AKNA: variants seen among roughly 807,000 people sequenced by gnomAD.
AKNA encodes AT-hook transcription factor.
In AKNA, 67 loss-of-function variants were observed where a neutral mutation model predicts 138.8. The ratio of observed to expected loss-of-function variants is 0.48; its 90% CI spans 0.40 to 0.59. The LOEUF (loss-of-function observed/expected upper bound fraction) is 0.59, where lower values mean the gene tolerates loss of function less well. Among genes scored for constraint, AKNA ranks in the 20% least tolerant of loss-of-function variants. The probability of loss-of-function intolerance (pLI) is 0.00; values close to 1 mark genes in which losing one functional copy is unlikely to be tolerated. For synonymous variants in AKNA, 737 were observed against 754.4 expected (o/e 0.98, Z 0.38); for missense variants, 1,813 against 1,880.4 (o/e 0.96, Z 0.66).
intron 4 of AKNA, among the ~76,000 whole-genome samples, chr9:114,372,748 T>C (rs1226087434): frequency 6.6e-6 from 1 of 152,158 alleles, no homozygotes; most frequent in Non-Finnish European, 1.5e-5. Context: ...GGAATGTGGT[T>C]TCCCCAGAGA....
At chr9:114,359,394 T>A in intron 11 of AKNA, 200 bp downstream of exon 11, 1 of 1,013,056 alleles carries the variant, frequency 9.9e-7, no homozygotes, top group Non-Finnish European at 1.4e-6. Flanking sequence ...TAATACTGCA[T>A]GTGTCCTACT....
chr9:114,390,263 C>T (rs113178084), upstream of AKNA, among the ~76,000 whole-genome samples: 2,138 of 152,170 alleles, frequency 0.014, 49 homozygotes, highest in African/African-American at 0.049. Context: ...ATGCACTGCC[C>T]CCTCTTGGAT....
chr9:114,360,637 A>C (rs1208317591), intron 9 of AKNA, among the ~76,000 whole-genome samples: 1 of 151,982 alleles, frequency 6.6e-6, no homozygotes, highest in Admixed American at 6.6e-5. Context: ...GGCCAGCATG[A>C]CCTCAGCTGT....
chr9:114,332,536 A>C (rs1044604747), downstream of AKNA, among the ~76,000 whole-genome samples: 1 of 152,140 alleles, frequency 6.6e-6, no homozygotes, highest in African/African-American at 2.4e-5. Context: ...CAGTACTTCC[A>C]TGACTATTCA....
chr9:114,365,354 C>T (rs193052595), intron 6 of AKNA, among the ~76,000 whole-genome samples: 183 of 152,272 alleles, frequency 1.2e-3, no homozygotes, highest in African/African-American at 4.2e-3. Flanking sequence ...TCTATAAATG[C>T]AAGTGTGTGC....
upstream of AKNA, among the ~76,000 whole-genome samples, chr9:114,390,894 G>A (rs1834308639): frequency 6.6e-6 from 1 of 152,220 alleles, no homozygotes; most frequent in Non-Finnish European, 1.5e-5. Context: ...CTCCCCATTT[G>A]GAACTATATT....
chr9:114,389,950 C>T (rs1194195613), upstream of AKNA, among the ~76,000 whole-genome samples: 3 of 152,186 alleles, frequency 2.0e-5, no homozygotes, highest in Non-Finnish European at 4.4e-5. Context: ...CCCAGCCCCA[C>T]ATGGAGCAGA....
chr9:114,344,795 C>T (rs966979861), intron 18 of AKNA: 12 of 158,590 alleles, frequency 7.6e-5, no homozygotes, highest in Middle Eastern at 1.0e-3. Flanking sequence ...TTTCCTTTTG[C>T]TAGTAAGTCC....
Position 114,368,423 on chromosome 9 carries a change from C to T in AKNA, c.1573+16G>A, listed in dbSNP as rs372918219. 50 of 1,313,438 alleles carry T rather than the reference C, an allele frequency of 3.8e-5. No individual in the cohort carries two copies. The African/African-American group carries it at 6.9e-4, about 18-fold the overall frequency. 81.4% of individuals were successfully genotyped at this position (1,313,438 alleles called of 1,614,324 possible). A position where few individuals can be genotyped will look rare whatever the true frequency, so the allele number is the denominator to read the frequency against. ...GCAGAAGGAGCCTCCAGCTGCAGCTCTTCTCCCGGACTCACCTGAGGCCGC... is the reference window on the plus strand; with the variant it reads ...GCAGAAGGAGCCTCCAGCTGCAGCTTTTCTCCCGGACTCACCTGAGGCCGC... On this transcript the variant is annotated intron_variant, in intron 5 of 21. Coordinates refer to ENST00000374088, the MANE Select transcript of AKNA (RefSeq NM_001317950.2).
downstream of AKNA, among the ~76,000 whole-genome samples, chr9:114,331,341 C>T (rs1176264466): frequency 1.3e-5 from 2 of 152,076 alleles, no homozygotes; most frequent in Non-Finnish European, 2.9e-5. Context: ...GGGAGAAAGG[C>T]CCTGACAGCC....
chr9:114,377,610 C>G, intron 2 of AKNA, 78 bp from the exon 3 acceptor site: 1 of 1,388,768 alleles, frequency 7.2e-7, no homozygotes, highest in East Asian at 2.4e-5. Context: ...GTCACTTCAA[C>G]TCTCTGGCTT....
chr9:114,389,360 T>C (rs1217410008), upstream of AKNA, among the ~76,000 whole-genome samples: 1 of 152,104 alleles, frequency 6.6e-6, no homozygotes, highest in Non-Finnish European at 1.5e-5. Context: ...CAGGCCTCTG[T>C]ATTGTCCAAA....
chr9:114,345,269 G>A (rs1222034472), intron 18 of AKNA: 1 of 151,982 alleles, frequency 6.6e-6, no homozygotes, highest in African/African-American at 2.4e-5. Flanking sequence ...TAGTAGAAAC[G>A]GGGTTTTGTC....
At chr9:114,383,678 T>C (rs1002701494) in intron 1 of AKNA, among the ~76,000 whole-genome samples, 5 of 152,184 alleles carry the variant, frequency 3.3e-5, no homozygotes, top group African/African-American at 1.2e-4. Context: ...AGAAGGTCTG[T>C]GTTTGTCCCT....
At chr9:114,374,807 C>T (rs1833048834) in intron 3 of AKNA, among the ~76,000 whole-genome samples, 1 of 152,164 alleles carries the variant, frequency 6.6e-6, no homozygotes, top group African/African-American at 2.4e-5. Flanking sequence ...TAAGTAAGTA[C>T]CATTATGGGT....
chr9:114,392,298 G>C (rs541848093), upstream of AKNA, among the ~76,000 whole-genome samples: 1 of 152,316 alleles, frequency 6.6e-6, no homozygotes, highest in Non-Finnish European at 1.5e-5. Flanking sequence ...GATTGTCTCT[G>C]AGGTTATCAG....
intron 21 of AKNA, 68 bp downstream of exon 21, chr9:114,341,465 G>C (rs1168277217): frequency 2.3e-5 from 36 of 1,593,294 alleles, no homozygotes; most frequent in Non-Finnish European, 2.6e-5. Context: ...GCCCCACCCA[G>C]GTCTGAATGC....
chr9:114,374,377 G>A (rs192437449), intron 3 of AKNA, among the ~76,000 whole-genome samples: 1 of 152,324 alleles, frequency 6.6e-6, no homozygotes, highest in Non-Finnish European at 1.5e-5. Context: ...AGAGGGCAGT[G>A]GGACAACTCT....
chr9:114,382,835 C>T (rs1415616807), intron 1 of AKNA, among the ~76,000 whole-genome samples: 9 of 151,948 alleles, frequency 5.9e-5, no homozygotes, highest in South Asian at 4.1e-4. Flanking sequence ...GAGAGGAGAG[C>T]GGGCACTAAA....
Sources: allele counts gnomAD v4.1 joint callset (sites outside exome capture counted in the v4.1 genomes callset), GRCh38; gene constraint gnomAD v4.1.1; transcripts MANE v1.5; gene names NCBI Gene and HGNC (gene_info 2026-07-23, HGNC 2026-07-21).